DLGAP2: variants seen among roughly 807,000 people sequenced by gnomAD.
The protein encoded by DLGAP2 is DLG associated protein 2.
In DLGAP2, 26 loss-of-function variants were observed where a neutral mutation model predicts 100.3. The ratio of observed to expected loss-of-function variants is 0.26; its 90% CI spans 0.19 to 0.36. DLGAP2 has a LOEUF of 0.36. Ranked by LOEUF, DLGAP2 falls within the 10% of genes least tolerant of loss-of-function variation. DLGAP2 has a pLI of 1.00. For synonymous variants in DLGAP2, 886 were observed against 630.1 expected (o/e 1.41, Z -6.08); for missense variants, 1,858 against 1,453.2 (o/e 1.28, Z -4.53).
At chr8:1,477,152 C>G (rs1798957865) in intron 3 of DLGAP2, among the ~76,000 whole-genome samples, 1 of 151,974 alleles carries the variant, frequency 6.6e-6, no homozygotes, top group Admixed American at 6.6e-5. Context: ...GGGAATGTCA[C>G]CAGCTGGCTG....
intron 2 of DLGAP2, among the ~76,000 whole-genome samples, chr8:936,024 T>C (rs1409468751): frequency 1.3e-5 from 2 of 152,218 alleles, no homozygotes; most frequent in Non-Finnish European, 2.9e-5. Context: ...CCGAGGACCC[T>C]GCCCAGTGGG....
At chr8:1,536,481 C>T (rs1423291189) in intron 4 of DLGAP2, among the ~76,000 whole-genome samples, 3 of 152,134 alleles carry the variant, frequency 2.0e-5, no homozygotes, top group Admixed American at 6.5e-5. Flanking sequence ...TTCAAGTGAA[C>T]GAAAAGATCT....
intron 6 of DLGAP2, among the ~76,000 whole-genome samples, chr8:1,591,313 C>G (rs754327787): frequency 2.0e-5 from 3 of 152,184 alleles, no homozygotes; most frequent in African/African-American, 7.2e-5. Context: ...CTTCCTAACG[C>G]TGGCTCCATG....
intron 3 of DLGAP2, among the ~76,000 whole-genome samples, chr8:1,287,922 A>G (rs2116963774): frequency 8.9e-6 from 1 of 112,986 alleles, no homozygotes; most frequent in South Asian, 3.0e-4. Flanking sequence ...TTAGGAGGGG[A>G]ACTAGTTTTG....
At chr8:832,769 T>A (rs916436238) in intron 1 of DLGAP2, among the ~76,000 whole-genome samples, 1 of 152,224 alleles carries the variant, frequency 6.6e-6, no homozygotes, top group Admixed American at 6.5e-5. Flanking sequence ...CAGCACATGC[T>A]GAGAGCCTCT....
chr8:1,209,254 C>T (rs1798056963), intron 2 of DLGAP2, among the ~76,000 whole-genome samples: 4 of 152,162 alleles, frequency 2.6e-5, no homozygotes. Flanking sequence ...TCAAACTATA[C>T]TATAAGGCTA....
intron 6 of DLGAP2, among the ~76,000 whole-genome samples, chr8:1,605,631 C>T (rs1165865695): frequency 6.6e-6 from 1 of 152,236 alleles, no homozygotes; most frequent in Non-Finnish European, 1.5e-5. Context: ...TGGTTGTCCC[C>T]TCCAGCAAAT....
At chr8:938,721 C>T (rs1799128671) in intron 2 of DLGAP2, among the ~76,000 whole-genome samples, 1 of 152,178 alleles carries the variant, frequency 6.6e-6, no homozygotes, top group African/African-American at 2.4e-5. Flanking sequence ...GGGCTGTGGC[C>T]TGGCTGTGAG....
At chr8:888,063 T>G (rs1028929525) in intron 1 of DLGAP2, among the ~76,000 whole-genome samples, 3 of 152,296 alleles carry the variant, frequency 2.0e-5, no homozygotes, top group East Asian at 1.9e-4. Context: ...TCTTGGAGGC[T>G]TTGTTCATTC....
chr8:872,022 G>T (rs952191825), intron 1 of DLGAP2, among the ~76,000 whole-genome samples: 2 of 152,094 alleles, frequency 1.3e-5, no homozygotes, highest in African/African-American at 4.8e-5. Flanking sequence ...TTTGTGATAT[G>T]ATTATAACAG....
chr8:1,209,567 A>T (rs1445853355), intron 2 of DLGAP2, among the ~76,000 whole-genome samples: 1 of 152,132 alleles, frequency 6.6e-6, no homozygotes. Context: ...ATAAATTCCT[A>T]TGTTGAAGCC....
chr8:1,371,704 G>C (rs1802241845), intron 3 of DLGAP2, among the ~76,000 whole-genome samples: 1 of 152,230 alleles, frequency 6.6e-6, no homozygotes, highest in African/African-American at 2.4e-5. Flanking sequence ...GGCTGAGCTG[G>C]AAGAATAGAA....
chr8:944,174 C>G (rs1799260294), intron 2 of DLGAP2, among the ~76,000 whole-genome samples: 2 of 152,364 alleles, frequency 1.3e-5, no homozygotes, highest in Admixed American at 1.3e-4. Flanking sequence ...GTGGGGTGAT[C>G]CAGTGGGCGG....
intron 3 of DLGAP2, among the ~76,000 whole-genome samples, chr8:1,273,505 T>C (rs1455776556): frequency 6.6e-6 from 1 of 152,198 alleles, no homozygotes; most frequent in East Asian, 1.9e-4. Flanking sequence ...AGTCTCGAGC[T>C]GCGGCAGTTC....
At chr8:1,519,567 C>G (rs1235798015) in intron 4 of DLGAP2, among the ~76,000 whole-genome samples, 1 of 152,256 alleles carries the variant, frequency 6.6e-6, no homozygotes, top group Non-Finnish European at 1.5e-5. Flanking sequence ...CCCTGATCCC[C>G]TTGTTTAACG....
At chr8:866,322 C>T (rs764145385) in intron 1 of DLGAP2, among the ~76,000 whole-genome samples, 15 of 152,308 alleles carry the variant, frequency 9.8e-5, no homozygotes, top group African/African-American at 3.1e-4. Flanking sequence ...GTCCAGGAAA[C>T]GTGCGTGGGG....
chr8:855,425 G>A (rs1037366193), intron 1 of DLGAP2, among the ~76,000 whole-genome samples: 2 of 152,176 alleles, frequency 1.3e-5, no homozygotes, highest in African/African-American at 4.8e-5. Context: ...GAATGAATGA[G>A]TGACTAAAGA....
chr8:933,158 C>A (rs948924365), intron 2 of DLGAP2, among the ~76,000 whole-genome samples: 3 of 152,254 alleles, frequency 2.0e-5, no homozygotes, highest in African/African-American at 7.2e-5. Context: ...GAAGCTTTGG[C>A]TTATGGGTGG....
chr8:1,648,942 T>C (rs1798103280), intron 8 of DLGAP2, among the ~76,000 whole-genome samples: 1 of 152,210 alleles, frequency 6.6e-6, no homozygotes, highest in Non-Finnish European at 1.5e-5. Flanking sequence ...AGGTTTATTC[T>C]GCAACGTGAG....
Sources: gnomAD v4.1 joint callset for allele counts (sites outside exome capture counted in the v4.1 genomes callset) on GRCh38, gnomAD v4.1.1 for gene constraint, MANE v1.5 for transcripts, NCBI Gene and HGNC (gene_info 2026-07-23, HGNC 2026-07-21) for gene names.